CPNE4: variants seen among roughly 807,000 people sequenced by gnomAD.
The protein encoded by CPNE4 is copine 4.
Under a neutral mutation model 67.9 loss-of-function variants are expected in CPNE4, and 25 were observed. That is an observed-to-expected ratio of 0.37 (90% CI 0.27 to 0.51). The LOEUF is 0.51. Among genes scored for constraint, CPNE4 ranks in the 20% least tolerant of loss-of-function variants. The pLI is 0.93. For missense variants in CPNE4, 464 were observed against 690.8 expected, an observed-to-expected ratio of 0.67 and a Z score of 3.68; for synonymous variants, 242 against 244.9, an observed-to-expected ratio of 0.99 and a Z score of 0.11.
At chr3:131,723,209 G>A (rs905149990) in intron 3 of CPNE4, among the ~76,000 whole-genome samples, 3 of 152,166 alleles carry the variant, frequency 2.0e-5, no homozygotes, top group African/African-American at 7.2e-5. Context: ...CACAGTGGGG[G>A]AATTCAGAAG....
chr3:131,950,007 TGA>T (rs1393801261), intron 1 of CPNE4, among the ~76,000 whole-genome samples: 1 of 152,168 alleles, frequency 6.6e-6, no homozygotes, highest in Non-Finnish European at 1.5e-5. Flanking sequence ...GGAGCATGTG[TGA>T]GAGTTTCTTA....
In CPNE4 at chr3:132,029,206, A is replaced by G. The variant is rs1374172970; in HGVS notation, c.-2+5361T>C. ...AGGAAACAAAGGGCGATCAGACCCC[A>G]GAAAGGCCTGTCACGAGGAGTTTTG... On this transcript the variant is annotated intron_variant, in intron 1 of 15. Coordinates refer to ENST00000429747, the MANE Select transcript of CPNE4 (RefSeq NM_130808.3). Among the ~76,000 whole-genome samples, 11 of 152,196 alleles carry G rather than the reference A, an allele frequency of 7.2e-5. 1 individual carries two copies. The highest frequency in any genetic ancestry group is 6.5e-4 in the Admixed American group (10 of 15,280).
chr3:131,661,605 T>C (rs2080127398), intron 7 of CPNE4, among the ~76,000 whole-genome samples: 1 of 152,080 alleles, frequency 6.6e-6, no homozygotes, highest in Admixed American at 6.6e-5. Flanking sequence ...CCTCCATGAG[T>C]CTGCAATCAG....
At chr3:131,753,621 T>G (rs932466734) in intron 2 of CPNE4, among the ~76,000 whole-genome samples, 5 of 152,086 alleles carry the variant, frequency 3.3e-5, no homozygotes, top group Admixed American at 6.6e-5. Context: ...GTAAAGAACA[T>G]AAACAGATAA....
intron 7 of CPNE4, among the ~76,000 whole-genome samples, chr3:131,599,805 A>G (rs1344841540): frequency 6.6e-6 from 1 of 152,186 alleles, no homozygotes; most frequent in East Asian, 1.9e-4. Context: ...GGCACAGCTA[A>G]GTAAAGTCTG....
rs1034661773 is a variant in CPNE4 at position 131,709,299 on chromosome 3, G to A, written c.361-9319C>T. Among the ~76,000 whole-genome samples, 41 of 152,194 alleles carry A rather than the reference G, an allele frequency of 2.7e-4. 1 individual carries two copies. Among genetic ancestry groups the A allele is most frequent in the African/African-American group, 8.7e-4 (36 of 41,536 alleles). On this transcript the variant is annotated intron_variant, in intron 3 of 15. Coordinates refer to ENST00000429747, the MANE Select transcript of CPNE4 (RefSeq NM_130808.3). Reference sequence around the variant, plus strand: ...AAATTCTTGCTTGGCTTAAACTGACGTCATGTGGGAGAATTTCTTGGGTGT... The same window carrying A: ...AAATTCTTGCTTGGCTTAAACTGACATCATGTGGGAGAATTTCTTGGGTGT...
chr3:131,707,210 T>C (rs1015581442), intron 3 of CPNE4, among the ~76,000 whole-genome samples: 1 of 152,210 alleles, frequency 6.6e-6, no homozygotes, highest in Admixed American at 6.5e-5. Flanking sequence ...GGGAAAAAGT[T>C]TGAAATCAAG....
chr3:131,753,034 A>G (rs1262524555), intron 2 of CPNE4, among the ~76,000 whole-genome samples: 1 of 151,530 alleles, frequency 6.6e-6, no homozygotes, highest in African/African-American at 2.4e-5. Flanking sequence ...TATATAAAAT[A>G]TAAAAGCTAA....
intron 2 of CPNE4, among the ~76,000 whole-genome samples, chr3:131,862,092 T>C (rs1312042025): frequency 6.6e-6 from 1 of 152,214 alleles, no homozygotes; most frequent in Non-Finnish European, 1.5e-5. Context: ...ATATCCTTTC[T>C]TTGAACAACA....
chr3:131,980,024 T>C (rs75980266), intron 1 of CPNE4, among the ~76,000 whole-genome samples: 11,165 of 152,242 alleles, frequency 0.073, 435 homozygotes, highest in East Asian at 0.14. Flanking sequence ...AGATAGGGCC[T>C]CAATCCCTTC....
chr3:131,690,343 A>G (rs2081006829), intron 5 of CPNE4, among the ~76,000 whole-genome samples: 1 of 152,194 alleles, frequency 6.6e-6, no homozygotes, highest in Non-Finnish European at 1.5e-5. Context: ...AAACAGACAC[A>G]TAAGACCAAT....
intron 11 of CPNE4, 92 bp from the exon 12 acceptor site, chr3:131,555,643 G>T: frequency 9.2e-7 from 1 of 1,091,026 alleles, no homozygotes; most frequent in Non-Finnish European, 1.4e-6. Flanking sequence ...TTACTAGGTT[G>T]CTAGGCCATG....
chr3:131,742,348 C>T (rs2082378662), intron 2 of CPNE4, among the ~76,000 whole-genome samples: 1 of 152,164 alleles, frequency 6.6e-6, no homozygotes, highest in African/African-American at 2.4e-5. Flanking sequence ...ATACCGTGGG[C>T]TCTCCTTTTT....
At chr3:131,801,424 G>A (rs1020439343) in intron 2 of CPNE4, among the ~76,000 whole-genome samples, 2,111 of 76,850 alleles carry the variant, frequency 0.027, 85 homozygotes, top group African/African-American at 0.052. Flanking sequence ...ACGTGTGTGT[G>A]TGTGTGTGTG....
chr3:131,563,858 A>T (rs907839997), intron 11 of CPNE4, among the ~76,000 whole-genome samples: 1 of 152,106 alleles, frequency 6.6e-6, no homozygotes, highest in African/African-American at 2.4e-5. Flanking sequence ...AGTATACACA[A>T]ATCATCTGGG....
At chr3:131,777,589 C>T (rs1439906014) in intron 2 of CPNE4, among the ~76,000 whole-genome samples, 1 of 152,054 alleles carries the variant, frequency 6.6e-6, no homozygotes, top group East Asian at 1.9e-4. Context: ...GAGCCCTGTT[C>T]ATCAGGATGT....
At chr3:132,008,752 GT>G (rs1007430318) in intron 1 of CPNE4, among the ~76,000 whole-genome samples, 9 of 150,016 alleles carry the variant, frequency 6.0e-5, no homozygotes, top group Non-Finnish European at 1.0e-4. Flanking sequence ...AAAAACTTAT[GT>G]TTTTTTTTCT....
chr3:131,757,044 T>C (rs2082768222), intron 2 of CPNE4, among the ~76,000 whole-genome samples: 1 of 152,178 alleles, frequency 6.6e-6, no homozygotes, highest in Non-Finnish European at 1.5e-5. Context: ...AAACCTCTTT[T>C]TCTTCCCAGT....
chr3:131,805,101 C>T (rs55715294), intron 2 of CPNE4, among the ~76,000 whole-genome samples: 3,148 of 152,194 alleles, frequency 0.021, 124 homozygotes, highest in African/African-American at 0.072. Context: ...TTCTTATTGC[C>T]CATTCTGTGA....
Sources: gnomAD v4.1 joint callset for allele counts (sites outside exome capture counted in the v4.1 genomes callset) on GRCh38, gnomAD v4.1.1 for gene constraint, MANE v1.5 for transcripts, NCBI Gene and HGNC (gene_info 2026-07-23, HGNC 2026-07-21) for gene names.